The following DDX10 variants were observed in gnomAD, a reference collection of about 807,000 sequenced individuals.
DDX10 encodes the protein probable ATP-dependent RNA helicase DDX10.
A neutral mutation model predicts 104.3 loss-of-function variants in DDX10; 74 were observed. The observed-to-expected ratio is 0.71, with a 90% CI of 0.59 to 0.86. The LOEUF is 0.86. Ranked by LOEUF, DDX10 falls within the 40% of genes least tolerant of loss-of-function variation. The pLI is 0.00. For missense variants in DDX10, 952 were observed against 1,040.0 expected (o/e 0.92, Z 1.16); for synonymous variants, 351 against 353.4 (o/e 0.99, Z 0.08).
intron 13 of DDX10, among the ~76,000 whole-genome samples, chr11:108,819,622 G>T (rs1337480148): frequency 6.6e-6 from 1 of 151,408 alleles, no homozygotes; most frequent in African/African-American, 2.4e-5. Context: ...TTTTTGAGAC[G>T]GAGTCTTTCT....
chr11:108,750,130 A>AT (rs2094336556), intron 13 of DDX10, among the ~76,000 whole-genome samples: 1 of 152,206 alleles, frequency 6.6e-6, no homozygotes, highest in East Asian at 1.9e-4. Flanking sequence ...ATGAGAAGCC[A>AT]TTTTAAGATT....
chr11:108,696,131 G>T (rs1463232747), intron 9 of DDX10, among the ~76,000 whole-genome samples: 1 of 151,974 alleles, frequency 6.6e-6, no homozygotes, highest in Non-Finnish European at 1.5e-5. Flanking sequence ...GGGGTAGATG[G>T]TGCCTCATTG....
At chr11:108,702,902 A>G (rs1003436609) in intron 9 of DDX10, among the ~76,000 whole-genome samples, 9 of 152,312 alleles carry the variant, frequency 5.9e-5, no homozygotes, top group Admixed American at 2.6e-4. Flanking sequence ...GCTACTTCCT[A>G]CTGGTTGCTT....
In DDX10 at chr11:108,723,196, G is replaced by A; in HGVS notation, c.1699G>A (p.Glu567Lys). The change falls in exon 13 of 18, where the codon GAA becomes AAA. Residue 567 changes from glutamate to lysine, a missense_variant. Transcript: ENST00000322536. ...SILQKGGKRL[E>K]GTEHRQDNDT... ...CCTTCAAAAAGGTGGAAAAAGACTC[G>A]AAGGGACAGAGCACAGACAGGATAA... The A allele has an allele frequency of 1.2e-6, 2 of 1,613,710 alleles. No individual in the cohort carries two copies. Among genetic ancestry groups the A allele is most frequent in the Non-Finnish European group, 1.7e-6 (2 of 1,179,852 alleles).
chr11:108,752,444 G>A (rs2094339897), intron 13 of DDX10, among the ~76,000 whole-genome samples: 1 of 152,080 alleles, frequency 6.6e-6, no homozygotes, highest in Non-Finnish European at 1.5e-5. Context: ...TTCAAGTAGA[G>A]CCTTGATTAA....
chr11:108,901,921 T>G (rs1863521513), intron 16 of DDX10, among the ~76,000 whole-genome samples: 1 of 152,236 alleles, frequency 6.6e-6, no homozygotes, highest in Non-Finnish European at 1.5e-5. Flanking sequence ...AAACTGTCTG[T>G]GGGCATTTAT....
intron 13 of DDX10, among the ~76,000 whole-genome samples, chr11:108,783,687 C>A (rs149263795): frequency 7.2e-5 from 11 of 152,180 alleles, no homozygotes; most frequent in African/African-American, 2.6e-4. Context: ...ATACTTTCAA[C>A]TTTTATTATA....
intron 16 of DDX10, among the ~76,000 whole-genome samples, chr11:108,916,141 A>G (rs1863747765): frequency 6.6e-6 from 1 of 152,072 alleles, no homozygotes. Context: ...TTAGGTGTAA[A>G]GGTGTCCTGA....
Position 108,708,210 on chromosome 11 carries a change from TA to T in DDX10, c.1322+1391del, listed in dbSNP as rs10602059. ...GTCCTCTATTCCTAGTTTACTGAGT[TA>T]AAAAAAAAAAAAAAAAAGATCATGA... is the stretch of plus-strand genomic sequence containing the variant. On this transcript the variant is annotated intron_variant, in intron 10 of 17. Transcript: ENST00000322536. Among the ~76,000 whole-genome samples the T allele has an allele frequency of 9.8e-3, 1,251 of 127,132 alleles. 13 individuals are homozygous for T. The highest frequency in any genetic ancestry group is 0.025 in the African/African-American group (902 of 35,846). 83.4% of individuals were successfully genotyped at this position (127,132 alleles called of 152,430 possible). A position where few individuals can be genotyped will look rare whatever the true frequency, so the allele number is the denominator to read the frequency against.
chr11:108,761,916 G>A (rs141444500), intron 13 of DDX10, among the ~76,000 whole-genome samples: 1 of 152,224 alleles, frequency 6.6e-6, no homozygotes, highest in East Asian at 1.9e-4. Flanking sequence ...AAATCATTAA[G>A]TAAATTTATA....
At chr11:108,857,169 C>G (rs1365832341) in intron 16 of DDX10, among the ~76,000 whole-genome samples, 1 of 152,130 alleles carries the variant, frequency 6.6e-6, no homozygotes, top group Non-Finnish European at 1.5e-5. Flanking sequence ...GTCCTATGCC[C>G]TTTCTGTATG....
intron 17 of DDX10, among the ~76,000 whole-genome samples, chr11:108,928,383 G>A (rs1863934985): frequency 6.6e-6 from 1 of 152,210 alleles, no homozygotes; most frequent in Non-Finnish European, 1.5e-5. Context: ...AGTTGCTCTA[G>A]CAGGTGTGAG....
chr11:108,720,277 A>T (rs764403927), intron 12 of DDX10, among the ~76,000 whole-genome samples: 1 of 152,198 alleles, frequency 6.6e-6, no homozygotes, highest in East Asian at 1.9e-4. Flanking sequence ...GCCATTTCCT[A>T]TAGTTTGATC....
intron 13 of DDX10, among the ~76,000 whole-genome samples, chr11:108,748,676 C>A (rs2094334717): frequency 6.6e-6 from 1 of 151,786 alleles, no homozygotes; most frequent in Non-Finnish European, 1.5e-5. Context: ...CTCTTGTACT[C>A]ATTTATTTAA....
At chr11:108,715,428 G>A (rs1237394099) in intron 10 of DDX10, among the ~76,000 whole-genome samples, 1 of 152,194 alleles carries the variant, frequency 6.6e-6, no homozygotes, top group Non-Finnish European at 1.5e-5. Flanking sequence ...AAGCTGAGAT[G>A]GGGGAGGGTC....
At chr11:108,934,959 C>G (rs1367715352) in intron 17 of DDX10, among the ~76,000 whole-genome samples, 1 of 152,154 alleles carries the variant, frequency 6.6e-6, no homozygotes, top group Non-Finnish European at 1.5e-5. Flanking sequence ...GAATTCGCAG[C>G]AAAATCCATT....
At chr11:108,825,564 T>C (rs1862385030) in intron 13 of DDX10, among the ~76,000 whole-genome samples, 1 of 152,196 alleles carries the variant, frequency 6.6e-6, no homozygotes, top group African/African-American at 2.4e-5. Flanking sequence ...TGCATATCTA[T>C]GTAGTATTGG....
At position 108,704,925 on chromosome 11, in the gene DDX10, C is replaced by T. The variant is rs184643071; in HGVS notation, c.1224-1814C>T. Reference sequence around the variant, plus strand: ...CTCGACTACCCCATCTATATCCCTTCCCCTAATGTCGGACAAATTCCTAAT... The same window carrying T: ...CTCGACTACCCCATCTATATCCCTTTCCCTAATGTCGGACAAATTCCTAAT... On this transcript the variant is annotated intron_variant, in intron 9 of 17. Transcript: ENST00000322536. Among the ~76,000 whole-genome samples, 7 of 152,308 alleles carry T rather than the reference C, an allele frequency of 4.6e-5. No individual in the cohort carries two copies. In the East Asian group the frequency reaches 9.6e-4, roughly 21 times the overall value.
At chr11:108,841,506 G>A in intron 15 of DDX10, 30 bp downstream of exon 15, 1 of 1,598,452 alleles carries the variant, frequency 6.3e-7, no homozygotes, top group Non-Finnish European at 8.5e-7. Context: ...TTCATACTGA[G>A]TAAAATTTAG....
Sources: allele counts gnomAD v4.1 joint callset (sites outside exome capture counted in the v4.1 genomes callset), GRCh38; gene constraint gnomAD v4.1.1; transcripts MANE v1.5; gene names NCBI Gene and HGNC (gene_info 2026-07-23, HGNC 2026-07-21).